TRABD2B: variants seen among roughly 807,000 people sequenced by gnomAD.
The protein encoded by TRABD2B is TraB domain containing 2B.
A neutral mutation model predicts 40.1 loss-of-function variants in TRABD2B; 14 were observed. The observed-to-expected ratio is 0.35, with a 90% CI of 0.23 to 0.55. The LOEUF is 0.55. Among genes scored for constraint, TRABD2B ranks in the 20% least tolerant of loss-of-function variants. The pLI is 0.90. For missense variants in TRABD2B, 541 were observed against 648.6 expected (o/e 0.83, Z 1.80); for synonymous variants, 263 against 277.0 (o/e 0.95, Z 0.50).
chr1:47,978,621 G>T (rs1316749988), intron 2 of TRABD2B, among the ~76,000 whole-genome samples: 1 of 152,176 alleles, frequency 6.6e-6, no homozygotes, highest in Non-Finnish European at 1.5e-5. Flanking sequence ...GACAGAGAGT[G>T]TGTGTTCCTA....
intron 2 of TRABD2B, among the ~76,000 whole-genome samples, chr1:47,963,614 G>A (rs550064632): frequency 8.9e-4 from 136 of 152,290 alleles, no homozygotes; most frequent in African/African-American, 3.2e-3. Flanking sequence ...GCTGATAAAC[G>A]GCCTTTGAAC....
intron 2 of TRABD2B, among the ~76,000 whole-genome samples, chr1:47,827,356 G>A (rs1268540421): frequency 6.6e-6 from 1 of 152,236 alleles, no homozygotes; most frequent in Non-Finnish European, 1.5e-5. Context: ...CATGTGCTCT[G>A]CAGTGGGACC....
At chr1:47,881,551 C>T (rs149121544) in intron 2 of TRABD2B, among the ~76,000 whole-genome samples, 22 of 152,274 alleles carry the variant, frequency 1.4e-4, no homozygotes, top group East Asian at 5.8e-4. Context: ...CAAAGCTTTA[C>T]GCTAAGAAAC....
intron 4 of TRABD2B, among the ~76,000 whole-genome samples, chr1:47,780,366 A>G (rs1023761768): frequency 2.0e-5 from 3 of 152,014 alleles, no homozygotes; most frequent in African/African-American, 7.3e-5. Context: ...CATTCCAGAG[A>G]CCCTTATGAA....
At chr1:47,984,068 C>T (rs1645881062) in intron 2 of TRABD2B, among the ~76,000 whole-genome samples, 1 of 152,248 alleles carries the variant, frequency 6.6e-6, no homozygotes, top group Non-Finnish European at 1.5e-5. Flanking sequence ...TACTAACGGC[C>T]ATGAAGGCGC....
intron 2 of TRABD2B, among the ~76,000 whole-genome samples, chr1:47,861,886 C>T (rs1367786713): frequency 3.3e-5 from 5 of 152,018 alleles, no homozygotes; most frequent in African/African-American, 1.2e-4. Context: ...CAAATTGAAT[C>T]CAATAATGTA....
chr1:47,992,699 G>A (rs751861783), intron 2 of TRABD2B, among the ~76,000 whole-genome samples: 5 of 152,210 alleles, frequency 3.3e-5, no homozygotes, highest in Non-Finnish European at 5.9e-5. Context: ...GGGAGAAAGC[G>A]GCTATGTTCA....
Position 47,994,325 on chromosome 1 carries a change from C to T in TRABD2B, c.375G>A (p.Leu125=). 1 of 1,536,284 alleles carries T rather than the reference C, an allele frequency of 6.5e-7. No individual in the cohort carries two copies. Among genetic ancestry groups the T allele is most frequent in the South Asian group, 1.2e-5 (1 of 84,072 alleles). Residue 125 remains leucine (L), a synonymous_variant, in exon 2 of 7, where the codon CTG becomes CTA. Transcript: ENST00000606738. This position sits in a 1 kb window ranked among gnomAD's most constrained non-coding sequence, Gnocchi z 6.7. The part of the protein sequence containing the change: ...HELYWRLKRH[L]DYVKLMMPSW... ...AGGGCATCATCAACTTCACGTAGTC[C>T]AGGTGGCGCTTCAAGCGCCAGTAAA...
chr1:47,889,745 A>G (rs1464854781), intron 2 of TRABD2B, among the ~76,000 whole-genome samples: 1 of 152,194 alleles, frequency 6.6e-6, no homozygotes, highest in East Asian at 1.9e-4. Flanking sequence ...TTGGCCCCTG[A>G]GGCATGAGAT....
intron 3 of TRABD2B, among the ~76,000 whole-genome samples, chr1:47,800,068 A>T (rs2124268068): frequency 6.6e-6 from 1 of 152,042 alleles, no homozygotes; most frequent in African/African-American, 2.4e-5. Context: ...TACTGAGTCC[A>T]GCTCTGGGCC....
chr1:47,973,790 G>A (rs1376783602), intron 2 of TRABD2B, among the ~76,000 whole-genome samples: 1 of 152,128 alleles, frequency 6.6e-6, no homozygotes, highest in African/African-American at 2.4e-5. Flanking sequence ...CATACCACAG[G>A]CAAAGCAATG....
At chr1:47,930,038 G>A (rs1645018992) in intron 2 of TRABD2B, among the ~76,000 whole-genome samples, 1 of 152,148 alleles carries the variant, frequency 6.6e-6, no homozygotes, top group Non-Finnish European at 1.5e-5. Context: ...GATACACTGT[G>A]AGACCAACTC....
chr1:47,811,710 G>C (rs1644967628), intron 2 of TRABD2B, among the ~76,000 whole-genome samples: 1 of 152,182 alleles, frequency 6.6e-6, no homozygotes, highest in Non-Finnish European at 1.5e-5. Flanking sequence ...GGATCCCTTC[G>C]ATTTTAGCTT....
chr1:47,945,933 G>C (rs1645254287), intron 2 of TRABD2B, among the ~76,000 whole-genome samples: 1 of 152,254 alleles, frequency 6.6e-6, no homozygotes, highest in South Asian at 2.1e-4. Context: ...TTCTGGATGT[G>C]GTAAGTGTAT....
chr1:47,896,044 G>T (rs992294944), intron 2 of TRABD2B, among the ~76,000 whole-genome samples: 5 of 152,252 alleles, frequency 3.3e-5, no homozygotes, highest in African/African-American at 1.2e-4. Flanking sequence ...CACACATTGT[G>T]ATCTCCAGCC....
At chr1:47,957,313 G>T (rs1401032333) in intron 2 of TRABD2B, among the ~76,000 whole-genome samples, 1 of 152,196 alleles carries the variant, frequency 6.6e-6, no homozygotes, top group Non-Finnish European at 1.5e-5. Flanking sequence ...CTCCTCCAAA[G>T]AAACGCAGCT....
intron 2 of TRABD2B, among the ~76,000 whole-genome samples, chr1:47,991,079 G>T (rs879548768): frequency 1.3e-5 from 2 of 151,896 alleles, no homozygotes; most frequent in African/African-American, 4.8e-5. Context: ...GATTACAGAA[G>T]ATATCAAATA....
In TRABD2B at chr1:47,965,816, G is replaced by A. The variant is rs2645759; in HGVS notation, c.666+28218C>T. Reference sequence around the variant, plus strand: ...CAGATCATGAAGAGCAAGGGTACTCGAAGAAGGGTCTGGAAACCTAAGGCT... The same window carrying A: ...CAGATCATGAAGAGCAAGGGTACTCAAAGAAGGGTCTGGAAACCTAAGGCT... On this transcript the variant is annotated intron_variant, in intron 2 of 6. Transcript: ENST00000606738. 5.9e-3 allele frequency among the ~76,000 whole-genome samples: 904 copies of A among 152,260 alleles called. 5 individuals carry two copies. Among genetic ancestry groups the A allele is most frequent in the Non-Finnish European group, 1.0e-2 (680 of 68,018 alleles).
chr1:47,769,720 C>T (rs914866834), intron 6 of TRABD2B, among the ~76,000 whole-genome samples: 5 of 152,226 alleles, frequency 3.3e-5, no homozygotes, highest in African/African-American at 4.8e-5. Flanking sequence ...ACCAAGAGGC[C>T]GCATCGGCTC....
Sources: gnomAD v4.1 joint callset for allele counts (sites outside exome capture counted in the v4.1 genomes callset) on GRCh38, gnomAD v4.1.1 for gene constraint, Gnocchi (gnomAD v3.1) non-coding constraint, MANE v1.5 for transcripts, NCBI Gene and HGNC (gene_info 2026-07-23, HGNC 2026-07-21) for gene names.